OTX1: variants seen among roughly 807,000 people sequenced by gnomAD.
OTX1 encodes the protein orthodenticle homeobox 1.
OTX1 carries 7 observed loss-of-function variants against 26.7 expected under a neutral mutation model. The ratio of observed to expected loss-of-function variants is 0.26; its 90% CI spans 0.15 to 0.49. The LOEUF (loss-of-function observed/expected upper bound fraction) is 0.49. Among genes scored for constraint, OTX1 ranks in the 20% least tolerant of loss-of-function variants. OTX1 has a pLI of 0.98. For synonymous variants in OTX1, 216 were observed against 212.8 expected (o/e 1.01, Z -0.13); for missense variants, 414 against 483.8 (o/e 0.86, Z 1.35).
chr2:63,054,303 G>T, intron 4 of OTX1, 105 bp downstream of exon 4: 6 of 1,199,548 alleles, frequency 5.0e-6, no homozygotes, highest in South Asian at 2.0e-5. Flanking sequence ...TCCTGTGGGG[G>T]TGGGCTTACA....
rs1388530666 is a variant in OTX1, at chr2:63,056,239, G to T, written c.988G>T (p.Ala330Ser). 4 of 1,613,860 alleles carry T rather than the reference G, an allele frequency of 2.5e-6. No homozygotes were observed. The African/African-American group carries it at 4.0e-5, about 16-fold the overall frequency. Reference sequence around the variant, plus strand: ...GCCTGGCGCCGCTGCTGCTTCCTCCGCCTGGAAACTCAACTTCAACTCCCC... The same window carrying T: ...GCCTGGCGCCGCTGCTGCTTCCTCCTCCTGGAAACTCAACTTCAACTCCCC... Reference protein sequence around the residue: ...KEPGAAAASSAWKLNFNSPDC... With the variant: ...KEPGAAAASSSWKLNFNSPDC... Residue 330 changes from alanine (A) to serine (S), a missense_variant, in exon 5 of 5, where the codon GCC (alanine) becomes TCC (serine). By Grantham distance (99) the Ala-to-Ser change is moderately conservative. Coordinates refer to ENST00000282549, the MANE Select transcript of OTX1 (RefSeq NM_014562.4).
intron 3 of OTX1, 198 bp from the exon 4 acceptor site, chr2:63,053,849 T>C: frequency 1.7e-6 from 1 of 599,680 alleles, no homozygotes; most frequent in Non-Finnish European, 3.0e-6. Flanking sequence ...TTGGAGACAC[T>C]GGCTTCTAGT....
Position 63,055,986 on chromosome 2 carries a change from C to T in OTX1, c.735C>T (p.Gly245=), listed in dbSNP as rs370878093. ...CGCCCTCCTCTTCCTACTTTGGCGG[C>T]GTGGACTGCAGCTCATACCTAGCGC... ...YPTPSSSYFG[G]VDCSSYLAPM... Residue 245 remains glycine, a synonymous_variant, in exon 5 of 5, where the codon GGC becomes GGT. Coordinates refer to ENST00000282549, the MANE Select transcript of OTX1 (RefSeq NM_014562.4). The surrounding 1 kb of genome is among the most constrained non-coding windows in gnomAD (Gnocchi z 5.2). The T allele has an allele frequency of 6.2e-6, 10 of 1,613,716 alleles. No homozygotes were observed. Among genetic ancestry groups the T allele is most frequent in the Middle Eastern group, 1.6e-4 (1 of 6,084 alleles).
chr2:63,054,484 C>T (rs1363078678), intron 4 of OTX1, among the ~76,000 whole-genome samples: 1 of 152,262 alleles, frequency 6.6e-6, no homozygotes, highest in Non-Finnish European at 1.5e-5. Flanking sequence ...GGGAAGCTCC[C>T]GAATGTAAAG....
At position 63,057,635 on chromosome 2, in the gene OTX1, T is replaced by C. The variant is rs2062077869; in HGVS notation, c.*1319T>C. 1 of 152,254 alleles carries C rather than the reference T, an allele frequency of 6.6e-6. No homozygotes were observed. Among genetic ancestry groups the C allele is most frequent in the Non-Finnish European group, 1.5e-5 (1 of 68,046 alleles). The allele number at this position is 152,254 out of a possible 1,614,324, so 9.4% of individuals were successfully genotyped here. The stretch of plus-strand genomic sequence containing the variant: ...CTAGTGAGTTTTTAGTGCACCTTCG[T>C]TCTCCGAAATCTGCGGAGAGCCCGC... On this transcript the variant is annotated 3_prime_UTR_variant, in exon 5 of 5. Transcript: ENST00000282549.
Position 63,055,741 on chromosome 2 carries a change from G to A in OTX1, c.490G>A (p.Ala164Thr), listed in dbSNP as rs753510300. The A allele has an allele frequency of 3.4e-5, 55 of 1,612,460 alleles. No homozygotes were observed. The highest frequency in any genetic ancestry group is 4.1e-5 in the Non-Finnish European group (48 of 1,179,640). ...GGGACTAGGTGGGAACCCGGTGGCG[G>A]CCGCGTCGTCGCTGAGTACACCAGC... Reference protein sequence around the residue: ...AAGLGGNPVAAASSLSTPAAS... With the variant: ...AAGLGGNPVATASSLSTPAAS... The change falls in exon 5 of 5, where the codon GCC becomes ACC. Residue 164 changes from alanine to threonine, a missense_variant. Physicochemically the swap from Ala to Thr is moderately conservative, Grantham distance 58. Around this residue, in one of 3 missense-constraint regions of OTX1, gnomAD observed 320 missense variants for 347.9 expected, o/e 0.92. Coordinates refer to ENST00000282549, the MANE Select transcript of OTX1 (RefSeq NM_014562.4). The surrounding 1 kb of genome is among the most constrained non-coding windows in gnomAD (Gnocchi z 5.2).
At chr2:63,050,460 C>T (rs1180796262), upstream of OTX1, among the ~76,000 whole-genome samples, 1 of 152,174 alleles carries the variant, frequency 6.6e-6, no homozygotes, top group Non-Finnish European at 1.5e-5. Flanking sequence ...CAGCACCTCG[C>T]CTCCTCCCTG....
rs781168827 is a variant in OTX1 at position 63,056,136 on chromosome 2, C to T, written c.885C>T (p.His295=). The T allele has an allele frequency of 9.3e-6, 15 of 1,613,900 alleles. No individual in the cohort carries two copies. The highest frequency in any genetic ancestry group is 7.6e-6 in the Non-Finnish European group (9 of 1,179,928). ...GCCAGTCCTCAGGCCACCACCACCA[C>T]CATCACCACCACCACCACCAAGGCT... ...PLSQSSGHHH[H]HHHHHHQGYG... is the part of the protein sequence containing the mutation. The change falls in exon 5 of 5, where the codon CAC becomes CAT. Residue 295 remains histidine (H), a synonymous_variant. Coordinates refer to ENST00000282549, the MANE Select transcript of OTX1 (RefSeq NM_014562.4).
In OTX1 at chr2:63,055,420, G is replaced by A; in HGVS notation, c.250-81G>A. The A allele has an allele frequency of 7.0e-7, 1 of 1,435,408 alleles. No individual in the cohort carries two copies. The highest frequency in any genetic ancestry group is 9.5e-7 in the Non-Finnish European group (1 of 1,051,060). 88.9% of individuals were successfully genotyped at this position (1,435,408 alleles called of 1,614,324 possible). A position where few individuals can be genotyped will look rare whatever the true frequency, so the allele number is the denominator to read the frequency against. ...GAAAGGATTGCGATATTCTGGACCG[G>A]GAGTTGGGTCCGCGGGGCGGTGGAG... is the stretch of plus-strand genomic sequence containing the variant. On this transcript the variant is annotated intron_variant, in intron 4 of 4. Transcript: ENST00000282549. This position sits in a 1 kb window ranked among gnomAD's most constrained non-coding sequence, Gnocchi z 5.2.
chr2:63,050,428 G>C (rs986601468), upstream of OTX1, among the ~76,000 whole-genome samples: 4 of 152,274 alleles, frequency 2.6e-5, no homozygotes, highest in African/African-American at 7.2e-5. Context: ...TAGCGCGCGG[G>C]AGAGCGAAGG....
In OTX1 at chr2:63,054,037, G is replaced by A. The variant is rs1393657583; in HGVS notation, c.98-10G>A. On this transcript the variant is annotated splice_polypyrimidine_tract_variant and intron_variant, in intron 3 of 4. Transcript: ENST00000282549. ...CCAATGACCCGCGGCGCCCCCGCGT[G>A]TCCCCGCAGCCACTCCGCGGAAGCA... 3 of 1,607,262 alleles carry A rather than the reference G, an allele frequency of 1.9e-6. No individual in the cohort carries two copies. The highest frequency in any genetic ancestry group is 2.5e-6 in the Non-Finnish European group (3 of 1,176,848).
intron 4 of OTX1, among the ~76,000 whole-genome samples, chr2:63,054,879 T>C (rs1002557487): frequency 1.1e-4 from 16 of 152,214 alleles, no homozygotes; most frequent in Non-Finnish European, 2.1e-4. Flanking sequence ...CCATTCCATT[T>C]GGTTCCCCAC....
chr2:63,055,701 G>A lies in OTX1; in HGVS notation c.450G>A (p.Ala150=). The change falls in exon 5 of 5, where the codon GCG becomes GCA. Residue 150 remains alanine, a synonymous_variant. Coordinates refer to ENST00000282549, the MANE Select transcript of OTX1 (RefSeq NM_014562.4). This position sits in a 1 kb window ranked among gnomAD's most constrained non-coding sequence, Gnocchi z 5.2. ...CGTCCAGCTCTTCCGCCAACCCAGCGGCTGCAGCGGCTGCGGGACTAGGTG... is the reference window on the plus strand; with the variant it reads ...CGTCCAGCTCTTCCGCCAACCCAGCAGCTGCAGCGGCTGCGGGACTAGGTG... ...SSASSSSANP[A]AAAAAGLGGN... The A allele has an allele frequency of 6.2e-7, 1 of 1,613,296 alleles. No homozygotes were observed. The highest frequency in any genetic ancestry group is 8.5e-7 in the Non-Finnish European group (1 of 1,179,854).
In OTX1 at chr2:63,050,869, A is replaced by T. The variant is rs2062020381; in HGVS notation, c.-209A>T. 1 of 152,282 alleles carries T rather than the reference A, an allele frequency of 6.6e-6. No individual in the cohort carries two copies. The highest frequency in any genetic ancestry group is 2.1e-4 in the South Asian group (1 of 4,834). 9.4% of individuals were successfully genotyped at this position (152,282 alleles called of 1,614,324 possible). On this transcript the variant is annotated 5_prime_UTR_variant, in exon 1 of 5. Transcript: ENST00000282549. ...AGGCTACATTTCCAATCACCTAAAC[A>T]ACCGAGCAAGACAAGCCACTCCGAC...
intron 1 of OTX1, 164 bp from the exon 2 acceptor site, chr2:63,051,085 C>T (rs1420586447): frequency 1.3e-5 from 2 of 152,150 alleles, no homozygotes; most frequent in Non-Finnish European, 2.9e-5. Context: ...ACGTGTGGGG[C>T]TTAGCAAACA....
At chr2:63,054,347 C>A in intron 4 of OTX1, 149 bp downstream of exon 4, 1 of 760,374 alleles carries the variant, frequency 1.3e-6, no homozygotes, top group Non-Finnish European at 1.9e-6. Flanking sequence ...CCCCCTAGCG[C>A]TGGGCCCCAG....
intron 4 of OTX1, 138 bp downstream of exon 4, chr2:63,054,336 T>G: frequency 1.2e-6 from 1 of 814,296 alleles, no homozygotes. Flanking sequence ...GCTCTCGGAC[T>G]CCCCCTAGCG....
Position 63,056,078 on chromosome 2 carries a change from A to G in OTX1, c.827A>G (p.His276Arg). Residue 276 changes from histidine (H) to arginine (R), a missense_variant, in exon 5 of 5, where the codon CAT becomes CGT. By Grantham distance (29) the His-to-Arg change is conservative. This residue lies in a region of OTX1 where 320 missense variants were observed against 347.9 expected (regional missense o/e 0.92). Coordinates refer to ENST00000282549, the MANE Select transcript of OTX1 (RefSeq NM_014562.4). ...PMAPSSMAGH[H>R]HHHPHAHHPL... ...GCACCCTCCTCCATGGCGGGCCACC[A>G]TCATCACCACCCACATGCGCACCAC... 1 of 1,613,132 alleles carries G rather than the reference A, an allele frequency of 6.2e-7. No homozygotes were observed. The highest frequency in any genetic ancestry group is 8.5e-7 in the Non-Finnish European group (1 of 1,179,402).
rs1277444197 is a variant in OTX1 at position 63,055,173 on chromosome 2, C to G, written c.250-328C>G. 6.6e-6 allele frequency among the ~76,000 whole-genome samples: 1 copy of G among 152,232 alleles called. No individual in the cohort carries two copies. Among genetic ancestry groups the G allele is most frequent in the East Asian group, 1.9e-4 (1 of 5,194 alleles). On this transcript the variant is annotated intron_variant, in intron 4 of 4. Transcript: ENST00000282549. This position sits in a 1 kb window ranked among gnomAD's most constrained non-coding sequence, Gnocchi z 5.2. ...TCCAAACATACACGGAAGCAGCCAA[C>G]AGCAGCAATTTAGAGATGGCAGAAC...
Sources: gnomAD v4.1 joint callset for allele counts (sites outside exome capture counted in the v4.1 genomes callset) on GRCh38, gnomAD v4.1.1 for gene constraint, gnomAD v4.1.1 regional missense constraint, Gnocchi (gnomAD v3.1) non-coding constraint, MANE v1.5 for transcripts, NCBI Gene and HGNC (gene_info 2026-07-23, HGNC 2026-07-21) for gene names.